Variants in ZCWPW2 observed in about 807,000 individuals in gnomAD.
ZCWPW2 encodes the protein zinc finger CW-type PWWP domain protein 2.
ZCWPW2 carries 45 observed loss-of-function variants against 46.6 expected under a neutral mutation model. The observed-to-expected ratio is 0.96, with a 90% CI of 0.76 to 1.24. The LOEUF (loss-of-function observed/expected upper bound fraction) is 1.24, where lower values mean the gene tolerates loss of function less well. Ranked by LOEUF, ZCWPW2 falls within the 50% of genes most tolerant of loss-of-function variation. The pLI, the probability that ZCWPW2 is intolerant of heterozygous loss-of-function variation, is 0.00. For synonymous variants in ZCWPW2, 152 were observed against 137.1 expected, an observed-to-expected ratio of 1.11 and a Z score of -0.76; for missense variants, 429 against 403.9, an observed-to-expected ratio of 1.06 and a Z score of -0.53.
rs761683905 is a variant in ZCWPW2 at position 28,514,102 on chromosome 3, C to G, written c.696C>G (p.Pro232=). Residue 232 remains proline, a synonymous_variant, in exon 7 of 10, where the codon CCC becomes CCG. Coordinates refer to ENST00000383768, the MANE Select transcript of ZCWPW2 (RefSeq NM_001040432.4). The part of the protein sequence containing the change: ...TSKNNIEKKK[P]KFRKRKRKAI... ...AAAATAATATTGAAAAGAAGAAGCC[C>G]AAATTTAGAAAAAGGAAAAGGTATG... is the stretch of plus-strand genomic sequence containing the variant. 6.7e-7 allele frequency: 1 copy of G among 1,489,982 alleles called. No individual in the cohort carries two copies. The highest frequency in any genetic ancestry group is 1.2e-5 in the South Asian group (1 of 83,140). 92.3% of individuals were successfully genotyped at this position (1,489,982 alleles called of 1,614,324 possible).
intron 2 of ZCWPW2, among the ~76,000 whole-genome samples, chr3:28,403,528 G>A (rs920077083): frequency 7.9e-5 from 12 of 151,846 alleles, no homozygotes; most frequent in African/African-American, 2.7e-4. Flanking sequence ...CATTCTTCAC[G>A]GAATTAGAAA....
At chr3:28,471,233 G>T (rs1490804742) in intron 4 of ZCWPW2, among the ~76,000 whole-genome samples, 1 of 152,050 alleles carries the variant, frequency 6.6e-6, no homozygotes, top group Non-Finnish European at 1.5e-5. Flanking sequence ...GAAGTGGAGG[G>T]AATACTTTCA....
chr3:28,441,520 G>A (rs549062575), intron 4 of ZCWPW2, among the ~76,000 whole-genome samples: 22 of 152,232 alleles, frequency 1.4e-4, no homozygotes, highest in East Asian at 5.8e-4. Flanking sequence ...GTCCACTTTC[G>A]AGTGGTGCCT....
At position 28,352,126 on chromosome 3, in the gene ZCWPW2, GCACACACACACA is replaced by G. The variant is rs111383620; in HGVS notation, c.-134+2953_-134+2964del. Among the ~76,000 whole-genome samples the G allele has an allele frequency of 6.6e-3, 860 of 129,700 alleles. 11 individuals carry two copies. Among genetic ancestry groups the G allele is most frequent in the African/African-American group, 0.018 (630 of 34,524 alleles). 85.1% of individuals were successfully genotyped at this position (129,700 alleles called of 152,430 possible). On this transcript the variant is annotated intron_variant, in intron 1 of 9. Coordinates refer to ENST00000383768, the MANE Select transcript of ZCWPW2 (RefSeq NM_001040432.4). ...TCCTTTCCCTCTATCTCAGATGTAT[GCACACACACACA>G]CACACACACACACACACACACACAC...
At chr3:28,465,446 A>G (rs1698784225) in intron 4 of ZCWPW2, among the ~76,000 whole-genome samples, 1 of 152,222 alleles carries the variant, frequency 6.6e-6, no homozygotes, top group Non-Finnish European at 1.5e-5. Context: ...ATTTCAAACA[A>G]ACTTGTTTGT....
chr3:28,448,098 G>A (rs1698066311), intron 4 of ZCWPW2: 1 of 213,140 alleles, frequency 4.7e-6, no homozygotes, highest in East Asian at 9.3e-5. Context: ...TTTTTTTAAG[G>A]GTAATAAAAA....
At chr3:28,377,936 G>T (rs529332538) in intron 1 of ZCWPW2, among the ~76,000 whole-genome samples, 1 of 152,074 alleles carries the variant, frequency 6.6e-6, no homozygotes, top group East Asian at 1.9e-4. Flanking sequence ...GAATATAGTT[G>T]CCGCAAAAGA....
chr3:28,421,834 TTGTGTGTGTGTG>T lies in ZCWPW2; in HGVS notation c.332+8466_332+8477del, dbSNP rs71087697. 1.9e-3 allele frequency among the ~76,000 whole-genome samples: 259 copies of T among 133,910 alleles called. 1 individual carries two copies. Among genetic ancestry groups the T allele is most frequent in the Admixed American group, 2.2e-3 (28 of 12,976 alleles). The allele number at this position is 133,910 out of a possible 152,430, so 87.9% of individuals were successfully genotyped here. A position where few individuals can be genotyped will look rare whatever the true frequency, so the allele number is the denominator to read the frequency against. ...TGAGAACCATATGTTGGAGAATAGT[TTGTGTGTGTGTG>T]TGTGTGTGTGTGTGTGTGTGTGTGT... On this transcript the variant is annotated intron_variant, in intron 3 of 9. Transcript: ENST00000383768.
At chr3:28,349,533 T>G (rs1242406918) in intron 1 of ZCWPW2, among the ~76,000 whole-genome samples, 2 of 152,162 alleles carry the variant, frequency 1.3e-5, no homozygotes, top group Non-Finnish European at 2.9e-5. Flanking sequence ...GCTCAATTTA[T>G]GGAATGAGAG....
At position 28,492,125 on chromosome 3, in the gene ZCWPW2, A is replaced by G; in HGVS notation, c.611-2A>G. On this transcript the variant is annotated splice_acceptor_variant, in intron 5 of 9. Transcript: ENST00000383768. LOFTEE classifies it high-confidence loss of function. Reference sequence around the variant, plus strand: ...AAGCAGCCATGTTTCATTGTCTTACAGATAAATCCGAAACACATGACAAAG... The same window carrying G: ...AAGCAGCCATGTTTCATTGTCTTACGGATAAATCCGAAACACATGACAAAG... The G allele has an allele frequency of 6.2e-7, 1 of 1,609,936 alleles. No homozygotes were observed. The highest frequency in any genetic ancestry group is 8.5e-7 in the Non-Finnish European group (1 of 1,178,226).
At chr3:28,434,310 T>C (rs1054549497) in intron 3 of ZCWPW2, among the ~76,000 whole-genome samples, 7 of 152,094 alleles carry the variant, frequency 4.6e-5, no homozygotes, top group Non-Finnish European at 1.0e-4. Context: ...ATCAGGGGTG[T>C]TAATGACAGG....
chr3:28,399,768 G>T (rs1239787461), intron 2 of ZCWPW2, among the ~76,000 whole-genome samples: 1 of 152,140 alleles, frequency 6.6e-6, no homozygotes, highest in South Asian at 2.1e-4. Flanking sequence ...TAGGACAAAA[G>T]AATCTGAGCA....
At chr3:28,472,179 C>G (rs1164503153) in intron 4 of ZCWPW2, among the ~76,000 whole-genome samples, 1 of 152,048 alleles carries the variant, frequency 6.6e-6, no homozygotes, top group African/African-American at 2.4e-5. Context: ...AATGCAATCC[C>G]TATGAAAATA....
chr3:28,500,239 GT>G (rs1700105937), intron 6 of ZCWPW2, among the ~76,000 whole-genome samples: 1 of 151,930 alleles, frequency 6.6e-6, no homozygotes, highest in Admixed American at 6.6e-5. Flanking sequence ...ATCATAATTT[GT>G]TGTTGTTTCT....
At chr3:28,355,577 T>A (rs879380037) in intron 1 of ZCWPW2, among the ~76,000 whole-genome samples, 1 of 152,240 alleles carries the variant, frequency 6.6e-6, no homozygotes, top group Admixed American at 6.5e-5. Context: ...GCTGGAGGCA[T>A]CACACTACCT....
intron 1 of ZCWPW2, among the ~76,000 whole-genome samples, chr3:28,374,246 C>G (rs935068615): frequency 3.9e-5 from 6 of 152,148 alleles, no homozygotes; most frequent in South Asian, 2.1e-4. Context: ...ATTGAAGAGG[C>G]TGTCCTCTTC....
At chr3:28,406,305 A>G (rs1696155597) in intron 2 of ZCWPW2, among the ~76,000 whole-genome samples, 1 of 152,208 alleles carries the variant, frequency 6.6e-6, no homozygotes, top group African/African-American at 2.4e-5. Flanking sequence ...AGAAATTGGC[A>G]ATCTCAACAG....
At chr3:28,410,166 C>A (rs1696343937) in intron 2 of ZCWPW2, among the ~76,000 whole-genome samples, 1 of 151,956 alleles carries the variant, frequency 6.6e-6, no homozygotes, top group African/African-American at 2.4e-5. Context: ...AATTCACCAA[C>A]AAGATGTAAC....
intron 2 of ZCWPW2, among the ~76,000 whole-genome samples, chr3:28,404,920 G>A (rs1575098054): frequency 6.6e-6 from 1 of 152,156 alleles, no homozygotes; most frequent in African/African-American, 2.4e-5. Flanking sequence ...ACTACAAATA[G>A]AGTGCATTGT....
Sources: gnomAD v4.1 joint callset for allele counts (sites outside exome capture counted in the v4.1 genomes callset) on GRCh38, gnomAD v4.1.1 for gene constraint, MANE v1.5 for transcripts, NCBI Gene and HGNC (gene_info 2026-07-23, HGNC 2026-07-21) for gene names.